Variants in EEIG1 observed in about 807,000 individuals in gnomAD.
The protein encoded by EEIG1 is early estrogen-induced gene 1 protein.
At chr9:127,976,384 C>A in the EEIG1 span, among the ~76,000 whole-genome samples, 2 of 152,222 alleles carry the variant, frequency 1.3e-5, no homozygotes, top group African/African-American at 4.8e-5. The surrounding 1 kb of genome is among the most constrained non-coding windows in gnomAD (Gnocchi z 4.1). Context: ...AGGGGCTAGG[C>A]AAGCCCCTAG....
At chr9:127,948,800 A>G in the EEIG1 span, among the ~76,000 whole-genome samples, 14 of 152,318 alleles carry the variant, frequency 9.2e-5, no homozygotes, top group African/African-American at 3.4e-4. Flanking sequence ...AGCAGGCAGG[A>G]GAGGGAAGAG....
chr9:127,972,389 G>A, the EEIG1 span, among the ~76,000 whole-genome samples: 1 of 152,200 alleles, frequency 6.6e-6, no homozygotes, highest in Non-Finnish European at 1.5e-5. This position sits in a 1 kb window ranked among gnomAD's most constrained non-coding sequence, Gnocchi z 4.3. Context: ...CGGCCATGCA[G>A]GGGCACTGAC....
At chr9:127,968,894 A>T in the EEIG1 span, among the ~76,000 whole-genome samples, 3 of 152,150 alleles carry the variant, frequency 2.0e-5, no homozygotes, top group Non-Finnish European at 2.9e-5. Flanking sequence ...CTCCCCAGAC[A>T]TGTGATTCCC....
At chr9:127,943,419 G>A in the EEIG1 span, 1 of 625,080 alleles carries the variant, frequency 1.6e-6, no homozygotes, top group Non-Finnish European at 2.9e-6. Context: ...CAGATAGTAA[G>A]CATCAGAGTC....
At chr9:127,950,001 T>C in the EEIG1 span, among the ~76,000 whole-genome samples, 1 of 152,156 alleles carries the variant, frequency 6.6e-6, no homozygotes, top group African/African-American at 2.4e-5. Context: ...AACTGGCTGG[T>C]GGTCAGGTGC....
chr9:127,965,283 C>T, the EEIG1 span, among the ~76,000 whole-genome samples: 14 of 152,096 alleles, frequency 9.2e-5, no homozygotes, highest in African/African-American at 2.7e-4. Context: ...TCAGCAGCAC[C>T]CTGCCAGTAG....
chr9:127,965,071 C>T, the EEIG1 span, among the ~76,000 whole-genome samples: 1,754 of 135,032 alleles, frequency 0.013, 108 homozygotes, highest in East Asian at 0.22. Flanking sequence ...ATCGCGCCAT[C>T]GCACTCCAGC....
At chr9:127,976,019 CCT>C in the EEIG1 span, among the ~76,000 whole-genome samples, 1 of 152,230 alleles carries the variant, frequency 6.6e-6, no homozygotes, top group Non-Finnish European at 1.5e-5. The surrounding 1 kb of genome is among the most constrained non-coding windows in gnomAD (Gnocchi z 4.1). Context: ...AGCCCCACCC[CCT>C]GAAAGGTCCT....
chr9:127,974,449 T>C, the EEIG1 span, among the ~76,000 whole-genome samples: 1 of 152,216 alleles, frequency 6.6e-6, no homozygotes, highest in African/African-American at 2.4e-5. Context: ...GGGGCTTCTA[T>C]GCCAAAGGCT....
chr9:127,956,802 C>G, the EEIG1 span, among the ~76,000 whole-genome samples: 1 of 152,172 alleles, frequency 6.6e-6, no homozygotes, highest in Non-Finnish European at 1.5e-5. Flanking sequence ...GCAACCTCCA[C>G]CTGCTGGGTT....
chr9:127,980,302 T>C, the EEIG1 span: 1 of 657,646 alleles, frequency 1.5e-6, no homozygotes, highest in African/African-American at 1.9e-5. Context: ...GTCTGAGAGA[T>C]CCACCAGTCC....
the EEIG1 span, among the ~76,000 whole-genome samples, chr9:127,975,749 T>G: frequency 6.6e-6 from 1 of 152,092 alleles, no homozygotes; most frequent in African/African-American, 2.4e-5. Flanking sequence ...GCCACGTGCA[T>G]GAGGCAGACA....
At chr9:127,949,546 A>G in the EEIG1 span, among the ~76,000 whole-genome samples, 1 of 152,140 alleles carries the variant, frequency 6.6e-6, no homozygotes, top group Admixed American at 6.5e-5. Flanking sequence ...GCACAGGGCT[A>G]CTGTGCCTGT....
the EEIG1 span, among the ~76,000 whole-genome samples, chr9:127,977,854 C>T: frequency 1.3e-5 from 2 of 152,216 alleles, no homozygotes; most frequent in African/African-American, 4.8e-5. Context: ...CACTCCTGCT[C>T]CATGACACAG....
the EEIG1 span, among the ~76,000 whole-genome samples, chr9:127,968,903 C>T: frequency 6.6e-6 from 1 of 152,172 alleles, no homozygotes; most frequent in Non-Finnish European, 1.5e-5. Context: ...CATGTGATTC[C>T]CTGAAGACTC....
At chr9:127,958,189 T>C in the EEIG1 span, among the ~76,000 whole-genome samples, 2 of 152,150 alleles carry the variant, frequency 1.3e-5, no homozygotes, top group East Asian at 3.8e-4. Flanking sequence ...TATCTCATGC[T>C]ATATACAAAA....
the EEIG1 span, among the ~76,000 whole-genome samples, chr9:127,965,928 G>A: frequency 6.6e-6 from 1 of 152,212 alleles, no homozygotes. Flanking sequence ...CTCCTGCAAG[G>A]AGGCAGCAAG....
the EEIG1 span, chr9:127,953,969 C>T: frequency 8.7e-6 from 14 of 1,608,818 alleles, no homozygotes; most frequent in African/African-American, 6.7e-5. Flanking sequence ...CACACATCCG[C>T]GCCAGGGGAC....
chr9:127,969,254 C>T, the EEIG1 span, among the ~76,000 whole-genome samples: 2 of 152,324 alleles, frequency 1.3e-5, no homozygotes, highest in African/African-American at 4.8e-5. Flanking sequence ...ACAGTCTCTC[C>T]TGGCTCTGGG....
Sources: gnomAD v4.1 joint callset for allele counts (sites outside exome capture counted in the v4.1 genomes callset) on GRCh38, gnomAD v4.1.1 for gene constraint, Gnocchi (gnomAD v3.1) non-coding constraint, MANE v1.5 for transcripts, NCBI Gene and HGNC (gene_info 2026-07-23, HGNC 2026-07-21) for gene names.